The following BMPR1A variants were observed in gnomAD, a reference collection of about 807,000 sequenced individuals.
BMPR1A encodes the protein bone morphogenetic protein receptor type 1A.
A neutral mutation model predicts 66.0 loss-of-function variants in BMPR1A; 7 were observed. That is an observed-to-expected ratio of 0.11 (90% confidence interval 0.06 to 0.20). BMPR1A has a LOEUF of 0.20. Ranked by LOEUF, BMPR1A falls within the 10% of genes least tolerant of loss-of-function variation. BMPR1A has a pLI of 1.00. For missense variants in BMPR1A, 408 were observed against 669.1 expected, an observed-to-expected ratio of 0.61 and a Z score of 4.31; for synonymous variants, 200 against 229.7, an observed-to-expected ratio of 0.87 and a Z score of 1.17.
chr10:86,795,985 T>C (rs1426530424), intron 1 of BMPR1A, among the ~76,000 whole-genome samples: 2 of 152,118 alleles, frequency 1.3e-5, no homozygotes, highest in Non-Finnish European at 2.9e-5. Flanking sequence ...TTAGATTGTG[T>C]GTTTCAGAAA....
At chr10:86,929,065 G>T (rs1463492543), downstream of BMPR1A, 1 of 151,708 alleles carries the variant, frequency 6.6e-6, no homozygotes, top group Non-Finnish European at 1.5e-5. Flanking sequence ...TAAGAAGATG[G>T]AGTAATTTCT....
chr10:86,894,679 G>A (rs1363779725), intron 5 of BMPR1A, among the ~76,000 whole-genome samples: 2 of 152,134 alleles, frequency 1.3e-5, no homozygotes, highest in Admixed American at 6.6e-5. Context: ...AAGGTGCTCT[G>A]CTCTCGTTTT....
chr10:86,822,765 A>C (rs1406331794), intron 1 of BMPR1A, among the ~76,000 whole-genome samples: 2 of 151,860 alleles, frequency 1.3e-5, no homozygotes, highest in East Asian at 3.9e-4. Context: ...CCTCCCAAGT[A>C]GCTGGGATTA....
intron 2 of BMPR1A, among the ~76,000 whole-genome samples, chr10:86,871,035 C>G (rs935113774): frequency 2.0e-5 from 3 of 152,162 alleles, no homozygotes; most frequent in Non-Finnish European, 4.4e-5. Context: ...ATCTCTTATT[C>G]TCAACATTTC....
At position 86,799,501 on chromosome 10, in the gene BMPR1A, CCTTCCTTTCTTTT is replaced by C. The variant is rs879439219; in HGVS notation, c.-267-39360_-267-39348del. 3.2e-3 allele frequency among the ~76,000 whole-genome samples: 316 copies of C among 99,332 alleles called. 1 individual carries two copies. Among genetic ancestry groups the C allele is most frequent in the African/African-American group, 0.014 (291 of 21,402 alleles). The allele number at this position is 99,332 out of a possible 152,430, so 65.2% of individuals were successfully genotyped here. A position where few individuals can be genotyped will look rare whatever the true frequency, so the allele number is the denominator to read the frequency against. ...TCCTTCCTTCCTTCCTTCCTTCCTT[CCTTCCTTTCTTTT>C]CTTTTCTTTTCTTTTCTTTCTTTTC... On this transcript the variant is annotated intron_variant, in intron 1 of 12. Transcript: ENST00000372037.
intron 3 of BMPR1A, among the ~76,000 whole-genome samples, chr10:86,888,101 TG>T (rs1260311737): frequency 6.6e-6 from 1 of 151,242 alleles, no homozygotes; most frequent in African/African-American, 2.4e-5. Flanking sequence ...GAGAGTGGTG[TG>T]GGGGGCGCGG....
In BMPR1A at chr10:86,849,210, A is replaced by G. The variant is rs544383089; in HGVS notation, c.-153+10231A>G. ...CCTTTGTTCTTTAGGAAAAATCGTA[A>G]TTGGTAAGATAAACCAAATATAAAA... On this transcript the variant is annotated intron_variant, in intron 2 of 12. Coordinates refer to ENST00000372037, the MANE Select transcript of BMPR1A (RefSeq NM_004329.3). 1.9e-3 allele frequency among the ~76,000 whole-genome samples: 293 copies of G among 152,328 alleles called. 2 individuals carry two copies. The highest frequency in any genetic ancestry group is 0.014 in the Middle Eastern group (4 of 294).
intron 1 of BMPR1A, among the ~76,000 whole-genome samples, chr10:86,799,782 C>T (rs1841785660): frequency 6.6e-6 from 1 of 152,088 alleles, no homozygotes; most frequent in Non-Finnish European, 1.5e-5. Context: ...AAGCGATCCA[C>T]CCACTTCGAC....
intron 2 of BMPR1A, 38 bp from the exon 3 acceptor site, chr10:86,875,829 G>A: frequency 1.6e-6 from 1 of 623,708 alleles, no homozygotes; most frequent in South Asian, 2.0e-5. Flanking sequence ...CCAAAATTCA[G>A]TTGTATTCCT....
intron 1 of BMPR1A, among the ~76,000 whole-genome samples, chr10:86,783,320 G>T (rs945673279): frequency 6.6e-6 from 1 of 152,130 alleles, no homozygotes; most frequent in African/African-American, 2.4e-5. Context: ...GGTTGTTTTG[G>T]CTATTTGGGG....
In BMPR1A at chr10:86,917,299, G is replaced by A. The variant is rs141625907; in HGVS notation, c.841G>A (p.Val281Met). ...WFRETEIYQT[V>M]LMRHENILGF... Reference sequence around the variant, plus strand: ...TCGAGAAACAGAAATCTACCAAACTGTGCTAATGCGCCATGAAAACATACT... The same window carrying A: ...TCGAGAAACAGAAATCTACCAAACTATGCTAATGCGCCATGAAAACATACT... Residue 281 changes from valine to methionine, a missense_variant, in exon 9 of 13, where the codon GTG becomes ATG. By Grantham distance (21) the Val-to-Met change is conservative. Coordinates refer to ENST00000372037, the MANE Select transcript of BMPR1A (RefSeq NM_004329.3). 1.2e-6 allele frequency: 2 copies of A among 1,614,108 alleles called. No homozygotes were observed. Among genetic ancestry groups the A allele is most frequent in the South Asian group, 1.1e-5 (1 of 91,060 alleles).
chr10:86,842,337 G>GT (rs1270118868), intron 2 of BMPR1A, among the ~76,000 whole-genome samples: 4 of 152,290 alleles, frequency 2.6e-5, no homozygotes, highest in East Asian at 3.9e-4. Flanking sequence ...AGGAAAAATA[G>GT]TTTGAGTGTT....
intron 1 of BMPR1A, among the ~76,000 whole-genome samples, chr10:86,760,033 G>C (rs983113159): frequency 8.8e-6 from 1 of 113,936 alleles, no homozygotes; most frequent in South Asian, 3.2e-4. Context: ...CTAATGTTAT[G>C]ATTTTCTTGC....
intron 1 of BMPR1A, among the ~76,000 whole-genome samples, chr10:86,777,954 A>C (rs1841378894): frequency 6.6e-6 from 1 of 151,944 alleles, no homozygotes; most frequent in Admixed American, 6.6e-5. Context: ...CAGAGGTTGC[A>C]GTGAGTCAAG....
chr10:86,907,266 A>G (rs1232899476), intron 7 of BMPR1A, among the ~76,000 whole-genome samples: 1 of 152,246 alleles, frequency 6.6e-6, no homozygotes, highest in East Asian at 1.9e-4. Context: ...TGTTAAGAAT[A>G]GCAGAGATTG....
At chr10:86,802,309 G>T (rs2132870448) in intron 1 of BMPR1A, among the ~76,000 whole-genome samples, 1 of 152,310 alleles carries the variant, frequency 6.6e-6, no homozygotes, top group South Asian at 2.1e-4. Flanking sequence ...TGTGTACAGT[G>T]AGTATCATAA....
rs1589738435 is a variant in BMPR1A at position 86,834,947 on chromosome 10, C to T, written c.-267-3918C>T. On this transcript the variant is annotated intron_variant, in intron 1 of 12. Transcript: ENST00000372037. ...GTGCATGGGGTGCTTTTTCTGGGTG[C>T]TGAGAAGGGAGGAGAAATGATAGGG... 2.0e-5 allele frequency among the ~76,000 whole-genome samples: 3 copies of T among 151,346 alleles called. No individual in the cohort carries two copies. The East Asian group carries it at 5.8e-4, about 29-fold the overall frequency.
chr10:86,780,595 C>T (rs189624435), intron 1 of BMPR1A, among the ~76,000 whole-genome samples: 1,945 of 151,926 alleles, frequency 0.013, 54 homozygotes, highest in African/African-American at 0.045. Context: ...CCACCACGCC[C>T]GGCTAATTTT....
In BMPR1A at chr10:86,828,016, G is replaced by A. The variant is rs190959824; in HGVS notation, c.-267-10849G>A. 3.6e-3 allele frequency among the ~76,000 whole-genome samples: 548 copies of A among 152,300 alleles called. 4 individuals are homozygous for A. The highest frequency in any genetic ancestry group is 4.8e-3 in the Non-Finnish European group (326 of 68,026). The stretch of plus-strand genomic sequence containing the variant: ...AAAATAAAAAAATTAGCCGAGCGTG[G>A]TGACACGTGCCTGTAATCCCAGCCA... On this transcript the variant is annotated intron_variant, in intron 1 of 12. Coordinates refer to ENST00000372037, the MANE Select transcript of BMPR1A (RefSeq NM_004329.3).
Sources: allele counts gnomAD v4.1 joint callset (sites outside exome capture counted in the v4.1 genomes callset), GRCh38; gene constraint gnomAD v4.1.1; transcripts MANE v1.5; gene names NCBI Gene and HGNC (gene_info 2026-07-23, HGNC 2026-07-21).